The following LARP1B variants were observed in gnomAD, a reference collection of about 807,000 sequenced individuals.
LARP1B encodes the protein la-related protein 1B.
In LARP1B, 76 loss-of-function variants were observed where a neutral mutation model predicts 114.2. That is an observed-to-expected ratio of 0.67 (90% CI 0.55 to 0.81). The LOEUF is 0.81. Ranked by LOEUF, LARP1B falls within the 30% of genes least tolerant of loss-of-function variation. The probability of loss-of-function intolerance (pLI) is 0.00; values close to 1 mark genes in which losing one functional copy is unlikely to be tolerated. For synonymous variants in LARP1B, 345 were observed against 348.0 expected (o/e 0.99, Z 0.10); for missense variants, 1,014 against 1,075.8 (o/e 0.94, Z 0.80).
intron 15 of LARP1B, among the ~76,000 whole-genome samples, chr4:128,189,368 A>T (rs1381206307): frequency 1.4e-5 from 1 of 73,172 alleles, no homozygotes; most frequent in African/African-American, 5.3e-5. Context: ...TTTGCGTGGA[A>T]TGTCTTTTTC....
intron 9 of LARP1B, chr4:128,108,954 C>T (rs1783039547): frequency 2.3e-6 from 1 of 429,012 alleles, no homozygotes; most frequent in Non-Finnish European, 3.1e-6. Flanking sequence ...CATGCACATA[C>T]ATATTGTCTG....
Position 128,210,753 on chromosome 4 carries a change from G to T in LARP1B, c.*700G>T. On this transcript the variant is annotated 3_prime_UTR_variant, in exon 20 of 20. Transcript: ENST00000326639. ...TGATTTCCACAGTTGTTGTATTGGT[G>T]TGGAGTTTTCTGAATTGGCTATAAG... 1.0e-6 allele frequency: 1 copy of T among 985,298 alleles called. No homozygotes were observed. The highest frequency in any genetic ancestry group is 1.2e-6 in the Non-Finnish European group (1 of 829,818). 61.0% of individuals were successfully genotyped at this position (985,298 alleles called of 1,614,324 possible). A position where few individuals can be genotyped will look rare whatever the true frequency, so the allele number is the denominator to read the frequency against.
At chr4:128,187,430 G>T (rs1036535269) in intron 15 of LARP1B, among the ~76,000 whole-genome samples, 3 of 152,204 alleles carry the variant, frequency 2.0e-5, no homozygotes, top group Admixed American at 6.5e-5. Flanking sequence ...GCCCTTCTGG[G>T]CTTTGGACTT....
rs767057115 is a variant in LARP1B, at chr4:128,091,501, T to G, written c.657T>G (p.Ile219Met). 2 of 1,602,510 alleles carry G rather than the reference T, an allele frequency of 1.2e-6. No individual in the cohort carries two copies. Among genetic ancestry groups the G allele is most frequent in the South Asian group, 2.3e-5 (2 of 87,820 alleles). ...PVEEALLKEY[I>M]KRQIEYYFSV... ...AAGAAGCATTGCTTAAAGAGTATATTAAGCGTCAAATGTAAGTGGATGTTT... is the reference window on the plus strand; with the variant it reads ...AAGAAGCATTGCTTAAAGAGTATATGAAGCGTCAAATGTAAGTGGATGTTT... The change falls in exon 7 of 20, where the codon ATT (isoleucine) becomes ATG (methionine). Residue 219 changes from isoleucine (I) to methionine (M), a missense_variant. Ile to Met is a conservative substitution (Grantham distance 10, BLOSUM62 1). Transcript: ENST00000326639.
chr4:128,094,542 G>T (rs1011280088), intron 7 of LARP1B, among the ~76,000 whole-genome samples: 2 of 151,466 alleles, frequency 1.3e-5, no homozygotes, highest in Non-Finnish European at 2.9e-5. Context: ...GAATAGCTGG[G>T]ATTAGAGGCA....
intron 11 of LARP1B, among the ~76,000 whole-genome samples, chr4:128,161,516 A>G (rs1197193744): frequency 1.3e-5 from 2 of 152,148 alleles, no homozygotes; most frequent in Non-Finnish European, 2.9e-5. Flanking sequence ...ACAAAGTGAA[A>G]TCTTCTTGAC....
At chr4:128,212,425 C>G (rs1403503123), downstream of LARP1B, among the ~76,000 whole-genome samples, 4 of 152,016 alleles carry the variant, frequency 2.6e-5, no homozygotes, top group East Asian at 5.8e-4. Context: ...GGGTGGATCA[C>G]TTGAGATCAG....
chr4:128,200,488 T>A, intron 16 of LARP1B, 33 bp from the exon 17 acceptor site: 6 of 1,293,748 alleles, frequency 4.6e-6, no homozygotes, highest in South Asian at 1.7e-5. Flanking sequence ...AAAGTATGTT[T>A]AATAAAATAA....
intron 5 of LARP1B, among the ~76,000 whole-genome samples, chr4:128,090,664 T>C (rs1775584531): frequency 6.6e-6 from 1 of 152,270 alleles, no homozygotes; most frequent in Non-Finnish European, 1.5e-5. Context: ...AAATGTTTTT[T>C]AGCAGTTTTA....
At chr4:128,070,286 C>G (rs996427133) in intron 1 of LARP1B, among the ~76,000 whole-genome samples, 1 of 149,982 alleles carries the variant, frequency 6.7e-6, no homozygotes, top group Non-Finnish European at 1.5e-5. Context: ...CACCACTGCA[C>G]TCCAGCCTGG....
intron 11 of LARP1B, among the ~76,000 whole-genome samples, chr4:128,132,313 T>G (rs1388799947): frequency 6.6e-6 from 1 of 152,088 alleles, no homozygotes; most frequent in Non-Finnish European, 1.5e-5. Flanking sequence ...GGCGCGATCT[T>G]GGCTCACTGC....
chr4:128,131,565 T>C (rs551003525), intron 11 of LARP1B, among the ~76,000 whole-genome samples: 1 of 152,064 alleles, frequency 6.6e-6, no homozygotes, highest in Admixed American at 6.5e-5. Context: ...CGTAAAGATA[T>C]AAACTAGGCA....
In LARP1B at chr4:128,107,532, G is replaced by A. The variant is rs925694446; in HGVS notation, c.988+219G>A. The A allele has an allele frequency of 1.4e-5, 20 of 1,384,220 alleles. No homozygotes were observed. In the African/African-American group the frequency reaches 2.8e-4, roughly 19 times the overall value. The allele number at this position is 1,384,220 out of a possible 1,614,324, so 85.7% of individuals were successfully genotyped here. On this transcript the variant is annotated intron_variant, in intron 9 of 19. Coordinates refer to ENST00000326639, the MANE Select transcript of LARP1B (RefSeq NM_018078.4). ...TGAGGAAAGCTGTCTTATGTTTCTT[G>A]TTCTTAAATTATATGTGTACTTTGT...
intron 11 of LARP1B, among the ~76,000 whole-genome samples, chr4:128,151,579 T>C (rs1463468027): frequency 2.0e-5 from 3 of 151,724 alleles, no homozygotes; most frequent in Non-Finnish European, 4.4e-5. Flanking sequence ...ATTTGCCCGA[T>C]ATCTTTATAT....
intron 7 of LARP1B, among the ~76,000 whole-genome samples, chr4:128,097,616 GAGTTTTTAACTA>G (rs2149672067): frequency 6.6e-6 from 1 of 152,266 alleles, no homozygotes; most frequent in South Asian, 2.1e-4. Flanking sequence ...CATGTTCACT[GAGTTTTTAACTA>G]AGAATTGTGC....
rs1328165907 is a variant in LARP1B at position 128,098,767 on chromosome 4, A to ATATATATATTTT, written c.813+438_813+439insATATATATTTTT. On this transcript the variant is annotated intron_variant, in intron 8 of 19. Coordinates refer to ENST00000326639, the MANE Select transcript of LARP1B (RefSeq NM_018078.4). Reference sequence around the variant, plus strand: ...TATGTGTATATATATATATATATATATTTTTTTTTTTTTTTTTTTTTTTTT... The same window carrying ATATATATATTTT: ...TATGTGTATATATATATATATATATATATATATATTTTTTTTTTTTTTTTTTTTTTTTTTTTT... Among the ~76,000 whole-genome samples the ATATATATATTTT allele has an allele frequency of 1.7e-3, 59 of 34,968 alleles. 4 individuals carry two copies. The highest frequency in any genetic ancestry group is 6.4e-3 in the East Asian group (5 of 784). The allele number at this position is 34,968 out of a possible 152,430, so 22.9% of individuals were successfully genotyped here.
In LARP1B at chr4:128,091,024, A is replaced by G; in HGVS notation, c.382A>G (p.Arg128Gly). The change falls in exon 6 of 20, where the codon AGG (arginine) becomes GGG (glycine). Residue 128 changes from arginine (R) to glycine (G), a missense_variant. Coordinates refer to ENST00000326639, the MANE Select transcript of LARP1B (RefSeq NM_018078.4). ...AGGTTGGAAGCGAGATAGAGAAAAAAGGGATGATCAAGATGACGTTTCCAG... is the reference window on the plus strand; with the variant it reads ...AGGTTGGAAGCGAGATAGAGAAAAAGGGGATGATCAAGATGACGTTTCCAG... ...TRSWKRDREKRDDQDDVSSVR... is the reference protein window; with the variant it reads ...TRSWKRDREKGDDQDDVSSVR... 19 of 1,611,780 alleles carry G rather than the reference A, an allele frequency of 1.2e-5. No individual in the cohort carries two copies. Among genetic ancestry groups the G allele is most frequent in the Non-Finnish European group, 1.6e-5 (19 of 1,178,548 alleles).
At chr4:128,073,212 G>A (rs1408894984) in intron 1 of LARP1B, among the ~76,000 whole-genome samples, 3 of 151,902 alleles carry the variant, frequency 2.0e-5, no homozygotes, top group African/African-American at 7.2e-5. Flanking sequence ...TCAGGAGTTT[G>A]AGACCAGCCT....
At chr4:128,167,355 T>G (rs1741576922) in intron 12 of LARP1B, among the ~76,000 whole-genome samples, 1 of 151,978 alleles carries the variant, frequency 6.6e-6, no homozygotes, top group Non-Finnish European at 1.5e-5. Context: ...CTGTTGGCAT[T>G]GTTATGTCTT....
Sources: allele counts gnomAD v4.1 joint callset (sites outside exome capture counted in the v4.1 genomes callset), GRCh38; gene constraint gnomAD v4.1.1; transcripts MANE v1.5; gene names NCBI Gene and HGNC (gene_info 2026-07-23, HGNC 2026-07-21).